Variants in SLC2A14 observed in about 807,000 individuals in gnomAD.
SLC2A14 encodes the protein solute carrier family 2, facilitated glucose transporter member 14.
A neutral mutation model predicts 43.0 loss-of-function variants in SLC2A14; 13 were observed. That is an observed-to-expected ratio of 0.30 (90% CI 0.20 to 0.48). SLC2A14 has a LOEUF of 0.48. SLC2A14 is among the 20% of genes least tolerant of loss of function. The pLI, the probability that SLC2A14 is intolerant of heterozygous loss-of-function variation, is 0.99. For synonymous variants in SLC2A14, 190 were observed against 233.8 expected, an observed-to-expected ratio of 0.81 and a Z score of 1.71; for missense variants, 428 against 620.4, an observed-to-expected ratio of 0.69 and a Z score of 3.29.
intron 2 of SLC2A14, among the ~76,000 whole-genome samples, chr12:7,834,947 G>A (rs1865323672): frequency 6.6e-6 from 1 of 152,098 alleles, no homozygotes; most frequent in Non-Finnish European, 1.5e-5. Context: ...GGTCTTCAGT[G>A]TACTTTGGGA....
intron 2 of SLC2A14, chr12:7,856,061 T>C (rs1366534490): frequency 6.6e-6 from 1 of 152,152 alleles, no homozygotes; most frequent in African/African-American, 2.4e-5. Flanking sequence ...AAACCAGACA[T>C]GTAAAATTCT....
chr12:7,841,457 T>G (rs1251113565), intron 2 of SLC2A14, among the ~76,000 whole-genome samples: 2 of 151,890 alleles, frequency 1.3e-5, no homozygotes, highest in Non-Finnish European at 2.9e-5. Context: ...GACGGGGTTT[T>G]GCCATGTTGG....
upstream of SLC2A14, chr12:7,873,236 C>T: frequency 1.0e-6 from 1 of 985,560 alleles, no homozygotes; most frequent in Non-Finnish European, 1.2e-6. Flanking sequence ...GTGAACGTAT[C>T]TATTTTCAAA....
At chr12:7,889,614 C>T (rs1945743336) in intron 1 of SLC2A14, among the ~76,000 whole-genome samples, 1 of 151,268 alleles carries the variant, frequency 6.6e-6, no homozygotes, top group African/African-American at 2.4e-5. Context: ...CGGCTCACTG[C>T]AACCTCTGCC....
At chr12:7,842,136 C>A (rs1213826496) in intron 2 of SLC2A14, among the ~76,000 whole-genome samples, 1 of 152,130 alleles carries the variant, frequency 6.6e-6, no homozygotes, top group Non-Finnish European at 1.5e-5. Flanking sequence ...CAGTTGGAGT[C>A]ATACATTATG....
At chr12:7,814,903 G>A (rs745520382) in intron 10 of SLC2A14, among the ~76,000 whole-genome samples, 1 of 151,976 alleles carries the variant, frequency 6.6e-6, no homozygotes, top group African/African-American at 2.4e-5. Flanking sequence ...GGGTTCAAGC[G>A]ATTCTCCTGT....
At chr12:7,836,216 G>T (rs1172020992) in intron 2 of SLC2A14, among the ~76,000 whole-genome samples, 1 of 113,692 alleles carries the variant, frequency 8.8e-6, no homozygotes, top group Admixed American at 1.2e-4. Flanking sequence ...GTGAGCCACA[G>T]ATATAACTTT....
At chr12:7,844,831 G>T (rs774539332) in intron 2 of SLC2A14, among the ~76,000 whole-genome samples, 1 of 151,872 alleles carries the variant, frequency 6.6e-6, no homozygotes, top group Non-Finnish European at 1.5e-5. Context: ...CCACCGCACC[G>T]GGCTGTAAAT....
chr12:7,814,508 A>C lies in SLC2A14; in HGVS notation c.1302T>G (p.Ile434Met), dbSNP rs770147738. ...AAYYLGAYVF[I>M]IFTGFLITFL... ...AGGTAATGAGGAAGCCGGTGAAGAT[A>C]ATAAAAACGTAGGCTCCTAAATAGT... Residue 434 changes from isoleucine to methionine, a missense_variant, in exon 11 of 11, where the codon ATT (isoleucine) becomes ATG (methionine). Coordinates refer to ENST00000431042, the MANE Select transcript of SLC2A14 (RefSeq NM_001286234.2). The C allele has an allele frequency of 5.0e-6, 8 of 1,613,716 alleles. No homozygotes were observed. In the South Asian group the frequency reaches 6.6e-5, roughly 13 times the overall value.
intron 2 of SLC2A14, among the ~76,000 whole-genome samples, chr12:7,853,224 A>G (rs756457711): frequency 6.6e-6 from 1 of 151,942 alleles, no homozygotes; most frequent in Non-Finnish European, 1.5e-5. Context: ...ATGGATCATG[A>G]GGTCAGGAGT....
At chr12:7,862,931 C>T (rs1944666516) in intron 2 of SLC2A14, among the ~76,000 whole-genome samples, 1 of 152,048 alleles carries the variant, frequency 6.6e-6, no homozygotes, top group Non-Finnish European at 1.5e-5. Flanking sequence ...AGCCCCCTGA[C>T]AAAACAGGCC....
intron 1 of SLC2A14, among the ~76,000 whole-genome samples, chr12:7,888,797 C>CAA (rs138233883): frequency 0.14 from 14,604 of 103,984 alleles, 1,354 homozygotes; most frequent in East Asian, 0.41. Context: ...GACTCCGTCT[C>CAA]AAAAAAAAAA....
intron 2 of SLC2A14, among the ~76,000 whole-genome samples, chr12:7,847,343 T>C (rs1338310974): frequency 6.6e-6 from 1 of 152,144 alleles, no homozygotes; most frequent in African/African-American, 2.4e-5. Flanking sequence ...AATTTCTTTG[T>C]TCCTTTTCCA....
chr12:7,870,017 C>G, intron 1 of SLC2A14, 80 bp from the exon 2 acceptor site: 1 of 742,134 alleles, frequency 1.3e-6, no homozygotes, highest in South Asian at 2.0e-5. Flanking sequence ...ATTTAGCCCC[C>G]TCGCCAATGG....
intron 2 of SLC2A14, among the ~76,000 whole-genome samples, chr12:7,841,617 G>C (rs765973385): frequency 5.4e-4 from 82 of 152,232 alleles, no homozygotes; most frequent in African/African-American, 1.8e-3. Flanking sequence ...ATTACATAAA[G>C]TCCATAGTTT....
At chr12:7,858,699 A>G (rs1014836278) in intron 2 of SLC2A14, among the ~76,000 whole-genome samples, 14 of 151,956 alleles carry the variant, frequency 9.2e-5, no homozygotes, top group African/African-American at 3.1e-4. Flanking sequence ...GAGTTTCTCC[A>G]TGTTGGTCAG....
At chr12:7,846,492 T>C (rs1351660270) in intron 2 of SLC2A14, among the ~76,000 whole-genome samples, 6 of 152,050 alleles carry the variant, frequency 3.9e-5, no homozygotes, top group African/African-American at 1.4e-4. Context: ...TCATGTTGGT[T>C]TTTTTCTTTA....
intron 2 of SLC2A14, among the ~76,000 whole-genome samples, chr12:7,866,591 C>G (rs1284983889): frequency 6.6e-6 from 1 of 152,132 alleles, no homozygotes; most frequent in Non-Finnish European, 1.5e-5. Flanking sequence ...ATCTAGAAAT[C>G]CTGGCCTCAG....
At chr12:7,854,495 T>A (rs1402200821) in intron 2 of SLC2A14, among the ~76,000 whole-genome samples, 1 of 152,190 alleles carries the variant, frequency 6.6e-6, no homozygotes, top group Non-Finnish European at 1.5e-5. Flanking sequence ...TTTGTTTGTT[T>A]GTTTGCTTTT....
Sources: gnomAD v4.1 joint callset for allele counts (sites outside exome capture counted in the v4.1 genomes callset) on GRCh38, gnomAD v4.1.1 for gene constraint, MANE v1.5 for transcripts, NCBI Gene and HGNC (gene_info 2026-07-23, HGNC 2026-07-21) for gene names.